THRB: variants seen among roughly 807,000 people sequenced by gnomAD.
The protein encoded by THRB is nuclear receptor subfamily 1 group A member 2.
Under a neutral mutation model 47.8 loss-of-function variants are expected in THRB, and 12 were observed. The ratio of observed to expected loss-of-function variants is 0.25; its 90% CI spans 0.16 to 0.41. The LOEUF (loss-of-function observed/expected upper bound fraction) is 0.41. Ranked by LOEUF, THRB falls within the 10% of genes least tolerant of loss-of-function variation. THRB has a pLI of 1.00. For missense variants in THRB, 348 were observed against 589.2 expected, an observed-to-expected ratio of 0.59 and a Z score of 4.24; for synonymous variants, 218 against 212.2, an observed-to-expected ratio of 1.03 and a Z score of -0.24.
chr3:24,215,711 A>ACCTTGCAGTGAGACACGG (rs1197179734), intron 4 of THRB, among the ~76,000 whole-genome samples: 1 of 152,210 alleles, frequency 6.6e-6, no homozygotes, highest in Non-Finnish European at 1.5e-5. Context: ...TTTCCCAGCA[A>ACCTTGCAGTGAGACACGG]CCTTGCAGTG....
intron 8 of THRB, among the ~76,000 whole-genome samples, 197 bp from the exon 9 acceptor site, chr3:24,133,659 C>T (rs1303176349): frequency 1.3e-5 from 2 of 150,872 alleles, no homozygotes; most frequent in East Asian, 3.9e-4. Context: ...TTTAATAGGC[C>T]CTCAGTGACA....
intron 1 of THRB, among the ~76,000 whole-genome samples, chr3:24,490,446 A>G (rs1392392473): frequency 6.6e-6 from 1 of 152,146 alleles, no homozygotes; most frequent in Non-Finnish European, 1.5e-5. Context: ...TGCCTTTTCT[A>G]CCCTTCCATT....
In THRB at chr3:24,371,493, G is replaced by T. The variant is rs1034473309; in HGVS notation, c.-260-34122C>A. On this transcript the variant is annotated intron_variant, in intron 1 of 10. Coordinates refer to ENST00000646209, the MANE Select transcript of THRB (RefSeq NM_001354712.2). The stretch of plus-strand genomic sequence containing the variant: ...AATTTACCTGTAAACCATATTATTT[G>T]GGAAGTTTCCTTTAGATTTCATCTA... 7.7e-4 allele frequency among the ~76,000 whole-genome samples: 117 copies of T among 151,952 alleles called. 1 individual carries two copies. Among genetic ancestry groups the T allele is most frequent in the Admixed American group, 7.6e-3 (116 of 15,226 alleles).
intron 4 of THRB, among the ~76,000 whole-genome samples, chr3:24,202,784 G>A (rs1329980111): frequency 4.6e-5 from 7 of 152,156 alleles, no homozygotes; most frequent in African/African-American, 1.4e-4. Flanking sequence ...AGAAAACCTT[G>A]GCTGAGAGAG....
intron 4 of THRB, among the ~76,000 whole-genome samples, chr3:24,192,637 G>A (rs2043486066): frequency 1.3e-5 from 2 of 152,120 alleles, no homozygotes; most frequent in Admixed American, 1.3e-4. Flanking sequence ...CACTCCAAGA[G>A]GACATTGCCC....
At chr3:24,123,299 G>C (rs1473169307) in intron 10 of THRB, among the ~76,000 whole-genome samples, 174 bp from the exon 11 acceptor site, 2 of 152,134 alleles carry the variant, frequency 1.3e-5, no homozygotes, top group African/African-American at 4.8e-5. Context: ...CAGGGGAGTG[G>C]CATCATTTAT....
chr3:24,219,308 CAAAAA>C (rs2046930114), intron 4 of THRB, among the ~76,000 whole-genome samples: 2 of 151,936 alleles, frequency 1.3e-5, no homozygotes, highest in Admixed American at 1.3e-4. Context: ...AAAACAAAAA[CAAAAA>C]AATAGGATTT....
intron 4 of THRB, among the ~76,000 whole-genome samples, chr3:24,195,518 C>T (rs1283480004): frequency 6.6e-6 from 1 of 152,176 alleles, no homozygotes; most frequent in Non-Finnish European, 1.5e-5. Context: ...TGCTCTCAGC[C>T]ACTTATAATC....
intron 5 of THRB, among the ~76,000 whole-genome samples, chr3:24,156,210 C>T (rs958399330): frequency 1.3e-5 from 2 of 152,204 alleles, no homozygotes; most frequent in African/African-American, 2.4e-5. Flanking sequence ...ATTTGCACTA[C>T]AAAGGATGCA....
chr3:24,418,952 T>C (rs535825894), intron 1 of THRB, among the ~76,000 whole-genome samples: 1 of 152,030 alleles, frequency 6.6e-6, no homozygotes, highest in East Asian at 2.0e-4. Context: ...GAATATCTAA[T>C]AGACGAGATA....
chr3:24,353,878 C>T (rs1408005931), intron 1 of THRB, among the ~76,000 whole-genome samples: 1 of 152,072 alleles, frequency 6.6e-6, no homozygotes, highest in East Asian at 1.9e-4. Flanking sequence ...CAATCTCTTG[C>T]TAAGCATTGC....
chr3:24,390,796 AAAT>A (rs1434783828), intron 1 of THRB, among the ~76,000 whole-genome samples: 17 of 114,650 alleles, frequency 1.5e-4, no homozygotes, highest in East Asian at 3.0e-4. Flanking sequence ...AAAAAAAAAA[AAAT>A]ATATATATAT....
chr3:24,143,831 TG>T (rs1180084757), intron 7 of THRB, 125 bp from the exon 8 acceptor site: 2 of 881,622 alleles, frequency 2.3e-6, no homozygotes, highest in Admixed American at 4.0e-5. Context: ...TCCTTCGGGG[TG>T]GGTCACACTG....
chr3:24,162,686 C>CAAA (rs368706028), intron 5 of THRB, among the ~76,000 whole-genome samples: 20,931 of 119,850 alleles, frequency 0.17, 1,978 homozygotes, highest in African/African-American at 0.27. Context: ...GCTATGAATG[C>CAAA]AAAAAAAAAA....
intron 1 of THRB, among the ~76,000 whole-genome samples, chr3:24,339,136 T>C (rs962517590): frequency 6.6e-6 from 1 of 152,194 alleles, no homozygotes; most frequent in South Asian, 2.1e-4. Flanking sequence ...TATATATATA[T>C]AGATATTTTG....
intron 1 of THRB, among the ~76,000 whole-genome samples, chr3:24,402,498 C>CT (rs1560107520): frequency 1.1e-4 from 2 of 17,858 alleles, no homozygotes; most frequent in African/African-American, 3.5e-4. Flanking sequence ...CTTCTTTCTT[C>CT]CTTTTTTTTT....
chr3:24,128,863 CTTT>C (rs57890674), intron 9 of THRB, among the ~76,000 whole-genome samples: 32 of 87,054 alleles, frequency 3.7e-4, no homozygotes, highest in South Asian at 2.7e-3. Flanking sequence ...AAACATAACT[CTTT>C]TTTTTTTTTT....
intron 4 of THRB, among the ~76,000 whole-genome samples, chr3:24,214,593 A>G (rs994202878): frequency 3.3e-5 from 5 of 152,250 alleles, no homozygotes; most frequent in Non-Finnish European, 5.9e-5. Flanking sequence ...CCAAGGCTGC[A>G]TCAGTGGCTG....
chr3:24,478,640 T>C (rs891648527), intron 1 of THRB, among the ~76,000 whole-genome samples: 1 of 152,038 alleles, frequency 6.6e-6, no homozygotes, highest in Non-Finnish European at 1.5e-5. Flanking sequence ...AGAGTACAAG[T>C]GTAGGACAAT....
Sources: gnomAD v4.1 joint callset for allele counts (sites outside exome capture counted in the v4.1 genomes callset) on GRCh38, gnomAD v4.1.1 for gene constraint, MANE v1.5 for transcripts, NCBI Gene and HGNC (gene_info 2026-07-23, HGNC 2026-07-21) for gene names.